DENND2B: variants seen among roughly 807,000 people sequenced by gnomAD.
The protein encoded by DENND2B is DENN domain-containing protein 2B.
A neutral mutation model predicts 116.0 loss-of-function variants in DENND2B; 32 were observed. That is an observed-to-expected ratio of 0.28 (90% CI 0.21 to 0.37). The LOEUF (loss-of-function observed/expected upper bound fraction) is 0.37. Among genes scored for constraint, DENND2B ranks in the 10% least tolerant of loss-of-function variants. DENND2B has a pLI of 1.00. For synonymous variants in DENND2B, 588 were observed against 583.9 expected, an observed-to-expected ratio of 1.01 and a Z score of -0.10; for missense variants, 1,276 against 1,477.7, an observed-to-expected ratio of 0.86 and a Z score of 2.24.
At chr11:8,762,782 C>T (rs1485360586) in intron 1 of DENND2B, among the ~76,000 whole-genome samples, 1 of 152,206 alleles carries the variant, frequency 6.6e-6, no homozygotes, top group Non-Finnish European at 1.5e-5. Flanking sequence ...ATCGCTTGAA[C>T]CCGGGAGGCA....
intron 1 of DENND2B, among the ~76,000 whole-genome samples, chr11:8,804,884 G>A (rs1252474739): frequency 5.3e-5 from 8 of 152,236 alleles, no homozygotes; most frequent in East Asian, 3.9e-4. Flanking sequence ...TGTTCCCAGC[G>A]TAGTAACATC....
At chr11:8,869,761 C>A (rs987600013) in intron 2 of DENND2B, among the ~76,000 whole-genome samples, 1 of 152,168 alleles carries the variant, frequency 6.6e-6, no homozygotes, top group Non-Finnish European at 1.5e-5. Context: ...GCCAGACCAG[C>A]AGAATTTAAG....
chr11:8,749,945 T>C (rs182004876), intron 2 of DENND2B, among the ~76,000 whole-genome samples: 1 of 152,346 alleles, frequency 6.6e-6, no homozygotes, highest in African/African-American at 2.4e-5. Flanking sequence ...TTCTGGAAGC[T>C]TTGATCTCAT....
At chr11:8,893,016 G>C (rs1034524308) in intron 1 of DENND2B, among the ~76,000 whole-genome samples, 2 of 152,142 alleles carry the variant, frequency 1.3e-5, no homozygotes, top group Non-Finnish European at 2.9e-5. Flanking sequence ...CTGGCAAACC[G>C]AATCCAGCAG....
rs1479005227 is a variant in DENND2B at position 8,715,791 on chromosome 11, G to A, written c.1657C>T (p.Leu553=). ...QLSLKPNSQS[L]RSGNWSERKS... is the part of the protein sequence containing the mutation. ...CTTTCTGACCAGTTCCCACTGCGCA[G>A]GGACTGGCTGTTGGGTTTCAGGGAA... Residue 553 remains leucine (L), a synonymous_variant, in exon 6 of 20, where the codon CTG becomes TTG. Transcript: ENST00000313726. The A allele has an allele frequency of 1.9e-6, 3 of 1,606,938 alleles. No homozygotes were observed. The highest frequency in any genetic ancestry group is 2.6e-6 in the Non-Finnish European group (3 of 1,174,318).
chr11:8,747,385 T>C (rs2051454222), intron 2 of DENND2B, among the ~76,000 whole-genome samples: 1 of 152,206 alleles, frequency 6.6e-6, no homozygotes, highest in Non-Finnish European at 1.5e-5. Context: ...GAAGAGCCCC[T>C]GCTGCCTGCC....
chr11:8,822,069 A>G (rs753404274), intron 4 of DENND2B, among the ~76,000 whole-genome samples: 11 of 152,232 alleles, frequency 7.2e-5, no homozygotes, highest in Non-Finnish European at 1.3e-4. Flanking sequence ...AATTAAATCA[A>G]TTACTGGTAA....
At chr11:8,738,795 G>T (rs1434101758) in intron 2 of DENND2B, among the ~76,000 whole-genome samples, 1 of 152,142 alleles carries the variant, frequency 6.6e-6, no homozygotes, top group Non-Finnish European at 1.5e-5. Flanking sequence ...CCATGAGCTG[G>T]TCCCTGCCTA....
At chr11:8,753,171 A>C (rs900335710) in intron 1 of DENND2B, among the ~76,000 whole-genome samples, 1 of 152,178 alleles carries the variant, frequency 6.6e-6, no homozygotes, top group Non-Finnish European at 1.5e-5. Context: ...TGGGAGGCAG[A>C]GGTTGCAGCA....
intron 1 of DENND2B, among the ~76,000 whole-genome samples, chr11:8,793,817 C>A (rs1237573149): frequency 1.3e-5 from 2 of 152,194 alleles, no homozygotes; most frequent in Non-Finnish European, 1.5e-5. Flanking sequence ...AACACTCCCA[C>A]TAACAATGTA....
chr11:8,744,674 T>C (rs914186279), intron 2 of DENND2B, among the ~76,000 whole-genome samples: 3 of 152,134 alleles, frequency 2.0e-5, no homozygotes, highest in African/African-American at 7.2e-5. Context: ...AGTCAAAGAA[T>C]TAGCAACAGC....
chr11:8,899,476 A>C (rs1179398244), intron 1 of DENND2B, among the ~76,000 whole-genome samples: 1 of 152,208 alleles, frequency 6.6e-6, no homozygotes, highest in African/African-American at 2.4e-5. Context: ...ATCATTTACA[A>C]AGAAACCACA....
chr11:8,863,790 C>T (rs1261244369), intron 2 of DENND2B, among the ~76,000 whole-genome samples: 3 of 152,076 alleles, frequency 2.0e-5, no homozygotes, highest in African/African-American at 4.8e-5. Flanking sequence ...TGTACAGATT[C>T]GAGTGACTAC....
At chr11:8,705,008 C>G (rs918878705) in intron 13 of DENND2B, among the ~76,000 whole-genome samples, 8 of 152,098 alleles carry the variant, frequency 5.3e-5, no homozygotes, top group African/African-American at 1.9e-4. Flanking sequence ...CCGGTCTGAC[C>G]TTTTCTACTT....
At chr11:8,850,002 GTA>G (rs533042963) in intron 3 of DENND2B, among the ~76,000 whole-genome samples, 1,884 of 148,186 alleles carry the variant, frequency 0.013, 13 homozygotes, top group African/African-American at 0.018. Flanking sequence ...AGGTGTGGTG[GTA>G]CATGCCCATA....
At position 8,731,002 on chromosome 11, in the gene DENND2B, G is replaced by A. The variant is rs761587783; in HGVS notation, c.288C>T (p.Thr96=). Residue 96 remains threonine, a synonymous_variant, in exon 3 of 20, where the codon ACC becomes ACT. Coordinates refer to ENST00000313726, the MANE Select transcript of DENND2B (RefSeq NM_213618.2). ...TTCTGTCCAAATAACCGAAGCTGGC[G>A]GTCTTGAAGGGACAGGTGGGTGGGG... ...DTSPPTCPFK[T]ASFGYLDRSP... The A allele has an allele frequency of 6.2e-6, 10 of 1,614,084 alleles. No individual in the cohort carries two copies. Among genetic ancestry groups the A allele is most frequent in the African/African-American group, 4.0e-5 (3 of 74,944 alleles).
intron 1 of DENND2B, among the ~76,000 whole-genome samples, chr11:8,786,716 G>A (rs1007509881): frequency 6.6e-6 from 1 of 152,130 alleles, no homozygotes. Flanking sequence ...AGGCTGAGGC[G>A]GAAGGATCAC....
At chr11:8,800,011 T>A (rs2060184520) in intron 1 of DENND2B, among the ~76,000 whole-genome samples, 1 of 151,622 alleles carries the variant, frequency 6.6e-6, no homozygotes, top group South Asian at 2.1e-4. Context: ...TAGAGTGCAG[T>A]GGCACAATCA....
At chr11:8,825,591 G>C (rs1023160881) in intron 4 of DENND2B, among the ~76,000 whole-genome samples, 2 of 151,798 alleles carry the variant, frequency 1.3e-5, no homozygotes, top group Admixed American at 6.6e-5. Context: ...ACTTGGATAA[G>C]ACACAATTAT....
Sources: gnomAD v4.1 joint callset for allele counts (sites outside exome capture counted in the v4.1 genomes callset) on GRCh38, gnomAD v4.1.1 for gene constraint, MANE v1.5 for transcripts, NCBI Gene and HGNC (gene_info 2026-07-23, HGNC 2026-07-21) for gene names.